Variants in NPPB observed in about 807,000 individuals in gnomAD.
The protein encoded by NPPB is natriuretic peptide B.
NPPB carries 13 observed loss-of-function variants against 12.7 expected under a neutral mutation model. That is an observed-to-expected ratio of 1.03 (90% confidence interval 0.67 to 1.63). The LOEUF is 1.63. Among genes scored for constraint, NPPB ranks in the 40% most tolerant of loss-of-function variants. NPPB has a pLI of 0.00. For synonymous variants in NPPB, 66 were observed against 74.7 expected (o/e 0.88, Z 0.60); for missense variants, 184 against 172.9 (o/e 1.06, Z -0.36).
Position 11,858,350 on chromosome 1 carries a change from G to C in NPPB, c.252C>G (p.Thr84=). The C allele has an allele frequency of 6.2e-7, 1 of 1,612,132 alleles. No homozygotes were observed. The highest frequency in any genetic ancestry group is 8.5e-7 in the Non-Finnish European group (1 of 1,178,762). Residue 84 remains threonine, a synonymous_variant, in exon 2 of 3, where the codon ACC becomes ACG. Coordinates refer to ENST00000376468, the MANE Select transcript of NPPB (RefSeq NM_002521.3). The part of the protein sequence containing the change: ...TGVWKSREVA[T]EGIRGHRKMV... ...TTTTGCGGTGCCCACGGATGCCCTC[G>C]GTGGCTACCTCCCGGGACTTCCAGA...
At chr1:11,858,138 A>G in intron 2 of NPPB, 76 bp downstream of exon 2, 1 of 1,398,252 alleles carries the variant, frequency 7.2e-7, no homozygotes, top group Non-Finnish European at 9.7e-7. Flanking sequence ...CCCAGAGACA[A>G]CAAACCCCAA....
chr1:11,857,988 A>G (rs951052836), intron 2 of NPPB, among the ~76,000 whole-genome samples: 7 of 152,212 alleles, frequency 4.6e-5, no homozygotes, highest in Non-Finnish European at 8.8e-5. Context: ...GATAAGAAGT[A>G]GGAGGTGGGG....
chr1:11,858,752 G>T lies in NPPB; in HGVS notation c.82C>A (p.Pro28Thr), dbSNP rs1645135928. The T allele has an allele frequency of 6.2e-7, 1 of 1,614,042 alleles. No individual in the cohort carries two copies. The highest frequency in any genetic ancestry group is 8.5e-7 in the Non-Finnish European group (1 of 1,180,020). Residue 28 changes from proline (P) to threonine (T), a missense_variant, in exon 1 of 3, where the codon CCG becomes ACG. By Grantham distance (38) the Pro-to-Thr change is conservative (BLOSUM62 -1). Transcript: ENST00000376468. ...GAGGCTGAACCGGGGCTGCCCAGCGGGTGGGAACGACCTCCCAGGAAAGCC... is the reference window on the plus strand; with the variant it reads ...GAGGCTGAACCGGGGCTGCCCAGCGTGTGGGAACGACCTCCCAGGAAAGCC... ...HLAFLGGRSH[P>T]LGSPGSASDL...
At chr1:11,857,721 C>T (rs1254502788) in intron 2 of NPPB, 50 bp from the exon 3 acceptor site, 1 of 1,605,220 alleles carries the variant, frequency 6.2e-7, no homozygotes, top group South Asian at 1.1e-5. Context: ...GAGATGGAGG[C>T]AGGGGCTGAG....
rs1312097139 is a variant in NPPB, at chr1:11,858,855, G to GCTGCTGCTGCTGCTT, written c.-37_-23dup. 2 of 1,607,144 alleles carry GCTGCTGCTGCTGCTT rather than the reference G, an allele frequency of 1.2e-6. No homozygotes were observed. The highest frequency in any genetic ancestry group is 1.1e-5 in the South Asian group (1 of 89,934). ...CCATGTCTCTGGAGGGACTGCGGAG[G>GCTGCTGCTGCTGCTT]CTGCTGCTGCTGCTTCTGCTGCTGC... On this transcript the variant is annotated 5_prime_UTR_variant, in exon 1 of 3. Transcript: ENST00000376468.
Position 11,857,628 on chromosome 1 carries a change from G to A in NPPB, c.*27C>T. 2 of 1,613,268 alleles carry A rather than the reference G, an allele frequency of 1.2e-6. No homozygotes were observed. The stretch of plus-strand genomic sequence containing the variant: ...GAAAAAGCCCCTTGTGGAATCAGAA[G>A]CAGGTGTCTGCAGCCAGGACTTCCT... On this transcript the variant is annotated 3_prime_UTR_variant, in exon 3 of 3. Transcript: ENST00000376468.
At chr1:11,857,771 C>G (rs1645130373) in intron 2 of NPPB, 100 bp from the exon 3 acceptor site, 1 of 1,256,000 alleles carries the variant, frequency 8.0e-7, no homozygotes, top group Non-Finnish European at 1.2e-6. Context: ...TGTTAGTCAT[C>G]AGACGTTTGA....
At chr1:11,858,508 C>T (rs886881048) in intron 1 of NPPB, 39 bp from the exon 2 acceptor site, 21 of 1,538,196 alleles carry the variant, frequency 1.4e-5, no homozygotes, top group Middle Eastern at 1.7e-4. Flanking sequence ...AGGGACCCAC[C>T]CCTGGGCTCA....
At position 11,858,300 on chromosome 1, in the gene NPPB, G is replaced by A. The variant is rs372371852; in HGVS notation, c.302C>T (p.Pro101Leu). 1 of 1,614,106 alleles carries A rather than the reference G, an allele frequency of 6.2e-7. No homozygotes were observed. The highest frequency in any genetic ancestry group is 8.5e-7 in the Non-Finnish European group (1 of 1,179,988). The part of the protein sequence containing the change: ...RKMVLYTLRA[P>L]RSPKMVQGSG... ...CCCTTGCACCATCTTGGGGCTTCGT[G>A]GTGCCCGCAGGGTGTAGAGGACCAT... Residue 101 changes from proline to leucine, a missense_variant, in exon 2 of 3, where the codon CCA becomes CTA. Physicochemically the swap from Pro to Leu is moderately conservative, Grantham distance 98. Coordinates refer to ENST00000376468, the MANE Select transcript of NPPB (RefSeq NM_002521.3).
Position 11,858,406 on chromosome 1 carries a change from G to T in NPPB, c.196C>A (p.Pro66Thr). 6.4e-7 allele frequency: 1 copy of T among 1,573,422 alleles called. No individual in the cohort carries two copies. Among genetic ancestry groups the T allele is most frequent in the South Asian group, 1.2e-5 (1 of 85,460 alleles). ...GTGGGACGGGGGCTCTCCTGGAGGG[G>T]CTCCAGGGATGTCTGCTCCACCTGC... ...ELQVEQTSLE[P>T]LQESPRPTGV... The change falls in exon 2 of 3, where the codon CCC (proline) becomes ACC (threonine). Residue 66 changes from proline (P) to threonine (T), a missense_variant. Transcript: ENST00000376468.
At chr1:11,858,177 A>T in intron 2 of NPPB, 37 bp downstream of exon 2, 1 of 1,554,608 alleles carries the variant, frequency 6.4e-7, no homozygotes, top group Non-Finnish European at 8.7e-7. Flanking sequence ...ACACACTGGA[A>T]TGGGGGAAGG....
In NPPB at chr1:11,857,575, T is replaced by C; in HGVS notation, c.*80A>G. On this transcript the variant is annotated 3_prime_UTR_variant, in exon 3 of 3. Transcript: ENST00000376468. ...TACATAAATACATTAAAAAAATGAGTCACTTCAAAGGCGGCCACAGGGTTG... is the reference window on the plus strand; with the variant it reads ...TACATAAATACATTAAAAAAATGAGCCACTTCAAAGGCGGCCACAGGGTTG... 1.5e-6 allele frequency: 2 copies of C among 1,344,864 alleles called. No individual in the cohort carries two copies. The highest frequency in any genetic ancestry group is 3.5e-5 in the Admixed American group (2 of 56,736). 83.3% of individuals were successfully genotyped at this position (1,344,864 alleles called of 1,614,324 possible).
In NPPB at chr1:11,858,697, C is replaced by G. The variant is rs1229138765; in HGVS notation, c.132+5G>C. The G allele has an allele frequency of 1.9e-6, 3 of 1,614,224 alleles. No individual in the cohort carries two copies. Among genetic ancestry groups the G allele is most frequent in the South Asian group, 1.1e-5 (1 of 91,084 alleles). The stretch of plus-strand genomic sequence containing the variant: ...CAATCCCCCTGAGCTGCCCTCCGCT[C>G]TCACCTGTAACCCGGACGTTTCCAA... On this transcript the variant is annotated splice_donor_5th_base_variant and intron_variant, in intron 1 of 2. Coordinates refer to ENST00000376468, the MANE Select transcript of NPPB (RefSeq NM_002521.3).
Position 11,858,798 on chromosome 1 carries a change from C to T in NPPB, c.36G>A (p.Leu12=), listed in dbSNP as rs1264886426. The change falls in exon 1 of 3, where the codon CTG becomes CTA. Residue 12 remains leucine, a synonymous_variant. Coordinates refer to ENST00000376468, the MANE Select transcript of NPPB (RefSeq NM_002521.3). ...AAGCCAGATGCAAGAAGAGCAGGAG[C>T]AGGAGCGCCCGGGAAGGTGCTGTCT... ...DPQTAPSRAL[L]LLLFLHLAFL... is the part of the protein sequence containing the mutation. 1.2e-6 allele frequency: 2 copies of T among 1,614,200 alleles called. No individual in the cohort carries two copies. The highest frequency in any genetic ancestry group is 1.7e-6 in the Non-Finnish European group (2 of 1,180,040).
rs1039076006 is a variant in NPPB, at chr1:11,858,726, C to T, written c.108G>A (p.Ser36=). Residue 36 remains serine, a synonymous_variant, in exon 1 of 3, where the codon TCG becomes TCA. Transcript: ENST00000376468. ...CCTGTAACCCGGACGTTTCCAAGTCCGAGGCTGAACCGGGGCTGCCCAGCG... is the reference window on the plus strand; with the variant it reads ...CCTGTAACCCGGACGTTTCCAAGTCTGAGGCTGAACCGGGGCTGCCCAGCG... ...SHPLGSPGSA[S]DLETSGLQEQ... 3 of 1,614,084 alleles carry T rather than the reference C, an allele frequency of 1.9e-6. No individual in the cohort carries two copies. The highest frequency in any genetic ancestry group is 1.3e-5 in the African/African-American group (1 of 74,930).
In NPPB at chr1:11,858,545, C is replaced by T. The variant is rs1255090680; in HGVS notation, c.133-76G>A. Reference sequence around the variant, plus strand: ...CAGCCCTTCATGGCACCCAAGTGAACCGACTGCCTTGGGTACAGGGTCAGG... The same window carrying T: ...CAGCCCTTCATGGCACCCAAGTGAATCGACTGCCTTGGGTACAGGGTCAGG... On this transcript the variant is annotated intron_variant, in intron 1 of 2. Transcript: ENST00000376468. 9 of 1,549,940 alleles carry T rather than the reference C, an allele frequency of 5.8e-6. No individual in the cohort carries two copies. In the African/African-American group the frequency reaches 9.7e-5, roughly 17 times the overall value.
chr1:11,858,891 G>T lies in NPPB; in HGVS notation c.-58C>A, dbSNP rs1557447965. ...TGCTTCTGCTGCTGCTGCTGCTGCT[G>T]CGATGCGTCCGGGTTTGCTTCCCAC... On this transcript the variant is annotated 5_prime_UTR_variant, in exon 1 of 3. Transcript: ENST00000376468. 1.9e-6 allele frequency: 3 copies of T among 1,609,654 alleles called. No individual in the cohort carries two copies. Among genetic ancestry groups the T allele is most frequent in the Admixed American group, 3.3e-5 (2 of 59,790 alleles).
Position 11,857,592 on chromosome 1 carries a change from A to G in NPPB, c.*63T>C, listed in dbSNP as rs2100683161. 1 of 1,556,496 alleles carries G rather than the reference A, an allele frequency of 6.4e-7. No homozygotes were observed. The highest frequency in any genetic ancestry group is 1.4e-5 in the African/African-American group (1 of 73,820). ...AAAATGAGTCACTTCAAAGGCGGCCACAGGGTTGAGGAAAAAGCCCCTTGT... is the reference window on the plus strand; with the variant it reads ...AAAATGAGTCACTTCAAAGGCGGCCGCAGGGTTGAGGAAAAAGCCCCTTGT... On this transcript the variant is annotated 3_prime_UTR_variant, in exon 3 of 3. Transcript: ENST00000376468.
At chr1:11,857,769 A>G (rs1191226583) in intron 2 of NPPB, 98 bp from the exon 3 acceptor site, 2 of 1,274,406 alleles carry the variant, frequency 1.6e-6, no homozygotes, top group African/African-American at 1.5e-5. Context: ...CCTGTTAGTC[A>G]TCAGACGTTT....
Sources: gnomAD v4.1 joint callset for allele counts (sites outside exome capture counted in the v4.1 genomes callset) on GRCh38, gnomAD v4.1.1 for gene constraint, MANE v1.5 for transcripts, NCBI Gene and HGNC (gene_info 2026-07-23, HGNC 2026-07-21) for gene names.